PACRG: variants seen among roughly 807,000 people sequenced by gnomAD.
PACRG encodes parkin coregulated.
A neutral mutation model predicts 29.7 loss-of-function variants in PACRG; 29 were observed. The observed-to-expected ratio is 0.98, with a 90% confidence interval of 0.73 to 1.33. PACRG has a LOEUF of 1.33. PACRG is among the 40% of genes most tolerant of loss of function. The pLI, the probability that PACRG is intolerant of heterozygous loss-of-function variation, is 0.00. For synonymous variants in PACRG, 116 were observed against 118.7 expected, an observed-to-expected ratio of 0.98 and a Z score of 0.15; for missense variants, 279 against 316.2, an observed-to-expected ratio of 0.88 and a Z score of 0.89.
At chr6:163,264,741 C>T (rs1160203128) in intron 4 of PACRG, among the ~76,000 whole-genome samples, 1 of 152,162 alleles carries the variant, frequency 6.6e-6, no homozygotes, top group African/African-American at 2.4e-5. Flanking sequence ...TGCAGATTAC[C>T]TCTAGGCTTA....
At position 162,756,066 on chromosome 6, in the gene PACRG, A is replaced by G. The variant is rs548040580; in HGVS notation, c.156+27675A>G. Among the ~76,000 whole-genome samples the G allele has an allele frequency of 3.9e-5, 6 of 152,262 alleles. No homozygotes were observed. The East Asian group carries it at 1.2e-3, about 29-fold the overall frequency. On this transcript the variant is annotated intron_variant, in intron 1 of 4. Coordinates refer to ENST00000366888, the MANE Select transcript of PACRG (RefSeq NM_001080379.2). ...GTTAAGTTTGGTTTTGTGGCCTAAC[A>G]TGGTCTATCCTGAAGAATGTTAGAT...
chr6:162,851,931 AGAAAG>A (rs900419254), intron 2 of PACRG, among the ~76,000 whole-genome samples: 2 of 147,104 alleles, frequency 1.4e-5, no homozygotes, highest in African/African-American at 5.0e-5. Context: ...AGAAAAGAAA[AGAAAG>A]GAAGGGAGAA....
Position 163,061,390 on chromosome 6 carries a change from C to T in PACRG, c.292-760C>T, listed in dbSNP as rs1811084263. Among the ~76,000 whole-genome samples, 3 of 152,162 alleles carry T rather than the reference C, an allele frequency of 2.0e-5. 1 individual carries two copies. The South Asian group carries it at 6.2e-4, about 31-fold the overall frequency. On this transcript the variant is annotated intron_variant, in intron 2 of 4. Coordinates refer to ENST00000366888, the MANE Select transcript of PACRG (RefSeq NM_001080379.2). ...TTTTCTCAACCCCAGAGTTTTAGTT[C>T]CCATTCCCTGGTGCTGCTGGATGCT...
intron 2 of PACRG, among the ~76,000 whole-genome samples, chr6:162,962,271 T>C (rs1478401125): frequency 6.0e-5 from 9 of 150,078 alleles, no homozygotes; most frequent in African/African-American, 2.0e-4. Context: ...AGGCAGAGAC[T>C]ATGTCTTACT....
rs73017687 is a variant in PACRG, at chr6:162,828,096, C to T, written c.291+13815C>T. Reference sequence around the variant, plus strand: ...TGATTCATTAAAATACATTTTTATACTTTTCATATATTTTTGTTTGTTGAA... The same window carrying T: ...TGATTCATTAAAATACATTTTTATATTTTTCATATATTTTTGTTTGTTGAA... On this transcript the variant is annotated intron_variant, in intron 2 of 4. Coordinates refer to ENST00000366888, the MANE Select transcript of PACRG (RefSeq NM_001080379.2). Among the ~76,000 whole-genome samples, 734 of 152,202 alleles carry T rather than the reference C, an allele frequency of 4.8e-3. 3 individuals carry two copies. Among genetic ancestry groups the T allele is most frequent in the Middle Eastern group, 0.014 (4 of 294 alleles).
chr6:162,772,440 T>A (rs1319417409), intron 1 of PACRG, among the ~76,000 whole-genome samples: 2 of 152,224 alleles, frequency 1.3e-5, no homozygotes, highest in East Asian at 3.9e-4. Flanking sequence ...GTTTTAAAAA[T>A]CCTTGCAAAG....
At chr6:162,947,633 T>TAATC (rs1554313442) in intron 2 of PACRG, among the ~76,000 whole-genome samples, 4 of 74,426 alleles carry the variant, frequency 5.4e-5, no homozygotes, top group African/African-American at 2.1e-4. Flanking sequence ...TATATATATA[T>TAATC]ATATATATAT....
intron 4 of PACRG, among the ~76,000 whole-genome samples, chr6:163,254,527 T>C (rs1221961409): frequency 6.6e-6 from 1 of 152,166 alleles, no homozygotes; most frequent in East Asian, 1.9e-4. Flanking sequence ...CAGCACATAG[T>C]CTGGGTTCTT....
At chr6:163,092,069 T>G (rs73786956) in intron 4 of PACRG, among the ~76,000 whole-genome samples, 1 of 152,156 alleles carries the variant, frequency 6.6e-6, no homozygotes, top group Admixed American at 6.5e-5. Context: ...TTCTTTCAAG[T>G]CCCACTACAA....
intron 4 of PACRG, among the ~76,000 whole-genome samples, chr6:163,171,519 A>G (rs117860445): frequency 0.013 from 2,042 of 152,314 alleles, 21 homozygotes; most frequent in Non-Finnish European, 0.021. Context: ...TGACCACACA[A>G]CTATCTGATC....
At chr6:162,765,856 A>G (rs771195768) in intron 1 of PACRG, among the ~76,000 whole-genome samples, 3 of 152,156 alleles carry the variant, frequency 2.0e-5, no homozygotes, top group Admixed American at 6.5e-5. Context: ...ATTTTATACA[A>G]TGATTGAATT....
At chr6:162,948,797 C>G (rs1279622040) in intron 2 of PACRG, among the ~76,000 whole-genome samples, 1 of 151,986 alleles carries the variant, frequency 6.6e-6, no homozygotes, top group Non-Finnish European at 1.5e-5. Context: ...CTCAACGTCA[C>G]TAAGTATTGG....
At chr6:163,007,543 G>A (rs942745168) in intron 2 of PACRG, among the ~76,000 whole-genome samples, 2 of 151,998 alleles carry the variant, frequency 1.3e-5, no homozygotes, top group South Asian at 2.1e-4. Context: ...TCCTCAGCTT[G>A]GGAGACCACT....
At chr6:162,786,723 GT>G (rs34982424) in intron 1 of PACRG, among the ~76,000 whole-genome samples, 157 of 148,086 alleles carry the variant, frequency 1.1e-3, no homozygotes, top group Non-Finnish European at 1.8e-3. Flanking sequence ...ATAGCAAGTG[GT>G]TTTTTTTTTT....
chr6:162,869,870 C>CT (rs1308922638), intron 2 of PACRG, among the ~76,000 whole-genome samples: 3 of 152,170 alleles, frequency 2.0e-5, no homozygotes, highest in Non-Finnish European at 4.4e-5. Context: ...TGAAAATATA[C>CT]TATGAGCCCT....
At chr6:163,021,284 T>C (rs952886233) in intron 2 of PACRG, among the ~76,000 whole-genome samples, 1 of 152,218 alleles carries the variant, frequency 6.6e-6, no homozygotes, top group African/African-American at 2.4e-5. Flanking sequence ...CTCTCCCATG[T>C]TGGCCCCCAT....
intron 4 of PACRG, among the ~76,000 whole-genome samples, chr6:163,140,361 G>C (rs895356036): frequency 6.6e-6 from 1 of 152,190 alleles, no homozygotes; most frequent in Non-Finnish European, 1.5e-5. Flanking sequence ...CCATGGGGTA[G>C]AGAGGATGAG....
intron 4 of PACRG, among the ~76,000 whole-genome samples, chr6:163,124,863 C>T (rs1464712725): frequency 6.6e-6 from 1 of 152,190 alleles, no homozygotes; most frequent in Admixed American, 6.5e-5. Context: ...CAAAAATAAT[C>T]CCCTATATAT....
chr6:163,044,511 A>G (rs1395853542), intron 2 of PACRG: 1 of 152,214 alleles, frequency 6.6e-6, no homozygotes, highest in Non-Finnish European at 1.5e-5. Flanking sequence ...ATATGCAATC[A>G]GGTCCATAAA....
Sources: allele counts gnomAD v4.1 joint callset (sites outside exome capture counted in the v4.1 genomes callset), GRCh38; gene constraint gnomAD v4.1.1; transcripts MANE v1.5; gene names NCBI Gene and HGNC (gene_info 2026-07-23, HGNC 2026-07-21).